ZNF831: variants seen among roughly 807,000 people sequenced by gnomAD.
The protein encoded by ZNF831 is zinc finger protein 831.
ZNF831 carries 59 observed loss-of-function variants against 95.8 expected under a neutral mutation model. The observed-to-expected ratio is 0.62, with a 90% confidence interval of 0.50 to 0.77. ZNF831 has a LOEUF of 0.77. Ranked by LOEUF, ZNF831 falls within the 30% of genes least tolerant of loss-of-function variation. The pLI, the probability that ZNF831 is intolerant of heterozygous loss-of-function variation, is 0.00. For synonymous variants in ZNF831, 961 were observed against 925.5 expected (o/e 1.04, Z -0.70); for missense variants, 2,205 against 2,164.0 (o/e 1.02, Z -0.38).
chr20:59,199,207 T>G lies in ZNF831; in HGVS notation c.3875+3202T>G, dbSNP rs372411592. On this transcript the variant is annotated intron_variant, in intron 3 of 5. Coordinates refer to ENST00000371030, the MANE Select transcript of ZNF831 (RefSeq NM_178457.3). The stretch of plus-strand genomic sequence containing the variant: ...TTCATTTTCCCACTTTAATTTCAGT[T>G]GTCTTAATGTTCTACAGAAAATGAA... Among the ~76,000 whole-genome samples the G allele has an allele frequency of 4.3e-4, 66 of 152,112 alleles. 1 individual carries two copies. In the South Asian group the frequency reaches 0.013, roughly 30 times the overall value.
At chr20:59,200,629 G>T (rs891671455) in intron 3 of ZNF831, among the ~76,000 whole-genome samples, 4 of 152,044 alleles carry the variant, frequency 2.6e-5, no homozygotes, top group African/African-American at 7.2e-5. Flanking sequence ...CCTCCCTTCT[G>T]CCCGTCCTGA....
At chr20:59,164,853 T>A (rs1410657415) in intron 1 of ZNF831, among the ~76,000 whole-genome samples, 1 of 152,188 alleles carries the variant, frequency 6.6e-6, no homozygotes, top group East Asian at 1.9e-4. Context: ...GTTTCTCCTT[T>A]CCCGTAGCAA....
At chr20:59,154,837 GGTCT>G (rs1980445888) in intron 2 of ZNF831, among the ~76,000 whole-genome samples, 1 of 152,106 alleles carries the variant, frequency 6.6e-6, no homozygotes, top group South Asian at 2.1e-4. Flanking sequence ...TTATCTCCCA[GGTCT>G]GTCTTCATAG....
At chr20:59,224,864 A>G (rs1027480776) in intron 4 of ZNF831, among the ~76,000 whole-genome samples, 2 of 152,248 alleles carry the variant, frequency 1.3e-5, no homozygotes, top group African/African-American at 4.8e-5. Flanking sequence ...CCCTGCATGA[A>G]TGGTTGAAAA....
At chr20:59,161,010 G>A (rs1980820661), upstream of ZNF831, 1 of 152,162 alleles carries the variant, frequency 6.6e-6, no homozygotes, top group South Asian at 2.1e-4. Context: ...GTTGCCACAT[G>A]CTTAGTTCAT....
chr20:59,144,426 G>A (rs58482069), intron 1 of ZNF831, among the ~76,000 whole-genome samples: 1 of 152,130 alleles, frequency 6.6e-6, no homozygotes, highest in Non-Finnish European at 1.5e-5. Context: ...GCATTGTAGG[G>A]TGCTTAGCAG....
rs754436455 is a variant in ZNF831, at chr20:59,206,975, CGAA to C, written c.3954_3956del (p.Arg1318del). The C allele has an allele frequency of 9.7e-5, 156 of 1,614,142 alleles. 1 individual carries two copies. The highest frequency in any genetic ancestry group is 7.5e-4 in the South Asian group (68 of 91,082). ...TAGACTTCGCACACCAACCTGGGTGCGAAGAAGAAGCCGCCACCCTCCCGCACT... is the reference window on the plus strand; with the variant it reads ...TAGACTTCGCACACCAACCTGGGTGCGAAGAAGCCGCCACCCTCCCGCACT... On this transcript the variant is annotated inframe_deletion, in exon 4 of 6. Transcript: ENST00000371030.
intron 1 of ZNF831, among the ~76,000 whole-genome samples, chr20:59,127,863 G>A (rs751563115): frequency 3.3e-5 from 5 of 152,128 alleles, no homozygotes; most frequent in Non-Finnish European, 5.9e-5. Flanking sequence ...AAAAGAGGAG[G>A]ACTTTGGAGA....
rs573784844 is a variant in ZNF831, at chr20:59,149,621, A to G, written c.-1281+3247A>G. ...AAGGGTTCCCTCCTGAGTGAGCGCC[A>G]AAAGCCTGGGCTTGGCCTGTCGGAG... On this transcript the variant is annotated intron_variant, in intron 2 of 7. Transcript: ENST00000637017. 3.2e-4 allele frequency among the ~76,000 whole-genome samples: 49 copies of G among 152,380 alleles called. No homozygotes were observed. The South Asian group carries it at 9.9e-3, about 31-fold the overall frequency.
In ZNF831 at chr20:59,132,289, C is replaced by CTT. The variant is rs11477187; in HGVS notation, c.-1425+8800_-1425+8801dup. Among the ~76,000 whole-genome samples, 55 of 116,548 alleles carry CTT rather than the reference C, an allele frequency of 4.7e-4. 1 individual carries two copies. The highest frequency in any genetic ancestry group is 1.6e-3 in the African/African-American group (54 of 34,548). 76.5% of individuals were successfully genotyped at this position (116,548 alleles called of 152,430 possible). ...GTTTCTTCTTGTTGGAGGTTTAACT[C>CTT]TTTTTTTTTTTTTTTTTGGCCATTG... On this transcript the variant is annotated intron_variant, in intron 1 of 7. Coordinates refer to the ZNF831 transcript ENST00000637017.
intron 1 of ZNF831, among the ~76,000 whole-genome samples, chr20:59,186,160 A>C (rs1278457296): frequency 1.3e-5 from 2 of 152,202 alleles, no homozygotes; most frequent in Non-Finnish European, 2.9e-5. Flanking sequence ...CCAGTCACCC[A>C]CAGTGGGGAC....
rs757694807 is a variant in ZNF831, at chr20:59,254,810, G to C, written c.*67G>C. ...ACGCTTCACAAGTAAATGTTGTCAGGCTGGCGGAAGAACTAAACTCTATCT... is the reference window on the plus strand; with the variant it reads ...ACGCTTCACAAGTAAATGTTGTCAGCCTGGCGGAAGAACTAAACTCTATCT... On this transcript the variant is annotated 3_prime_UTR_variant, in exon 6 of 6. Coordinates refer to ENST00000371030, the MANE Select transcript of ZNF831 (RefSeq NM_178457.3). The surrounding 1 kb of genome is among the most constrained non-coding windows in gnomAD (Gnocchi z 4.5). The C allele has an allele frequency of 4.8e-5, 73 of 1,531,008 alleles. No homozygotes were observed. Among genetic ancestry groups the C allele is most frequent in the Non-Finnish European group, 8.7e-6 (10 of 1,144,010 alleles). The allele number at this position is 1,531,008 out of a possible 1,614,324, so 94.8% of individuals were successfully genotyped here. A position where few individuals can be genotyped will look rare whatever the true frequency, so the allele number is the denominator to read the frequency against.
At chr20:59,206,505 A>G (rs554014306) in intron 3 of ZNF831, among the ~76,000 whole-genome samples, 79 of 152,356 alleles carry the variant, frequency 5.2e-4, no homozygotes, top group African/African-American at 1.8e-3. Flanking sequence ...CAATAGCTAC[A>G]TGGGCCTAAT....
chr20:59,205,794 C>G (rs73309044), intron 3 of ZNF831, among the ~76,000 whole-genome samples: 4,242 of 152,280 alleles, frequency 0.028, 217 homozygotes, highest in African/African-American at 0.098. Context: ...GAGCTTAAGG[C>G]ATATTGCAGG....
chr20:59,135,598 G>A (rs1263253691), intron 1 of ZNF831, among the ~76,000 whole-genome samples: 1 of 152,132 alleles, frequency 6.6e-6, no homozygotes, highest in Non-Finnish European at 1.5e-5. Flanking sequence ...AGGCGTGGTG[G>A]CGGGTGCCTG....
intron 1 of ZNF831, among the ~76,000 whole-genome samples, chr20:59,175,108 T>A (rs1011212645): frequency 1.2e-4 from 18 of 152,158 alleles, no homozygotes; most frequent in African/African-American, 4.1e-4. Flanking sequence ...ATTAGAATTG[T>A]TTTTTCTGTA....
chr20:59,190,154 C>A (rs1341899456), intron 1 of ZNF831, among the ~76,000 whole-genome samples: 1 of 152,210 alleles, frequency 6.6e-6, no homozygotes, highest in East Asian at 1.9e-4. Context: ...CACCTTTGAG[C>A]AGAGACCTAA....
rs140939675 is a variant in ZNF831, at chr20:59,134,455, A to G, written c.-1425+10950A>G. Among the ~76,000 whole-genome samples, 340 of 152,342 alleles carry G rather than the reference A, an allele frequency of 2.2e-3. 1 individual carries two copies. Among genetic ancestry groups the G allele is most frequent in the African/African-American group, 7.6e-3 (316 of 41,586 alleles). On this transcript the variant is annotated intron_variant, in intron 1 of 7. Transcript: ENST00000637017. Reference sequence around the variant, plus strand: ...AGGAGACTGAAGGGAAAACAGCTGCATGGGTCTTTCTTTATCCGCTTTTCT... The same window carrying G: ...AGGAGACTGAAGGGAAAACAGCTGCGTGGGTCTTTCTTTATCCGCTTTTCT...
intron 2 of ZNF831, among the ~76,000 whole-genome samples, chr20:59,157,002 C>T (rs1469435685): frequency 6.6e-6 from 1 of 152,144 alleles, no homozygotes; most frequent in African/African-American, 2.4e-5. Context: ...TACAGGCATG[C>T]AGTGTTTAAT....
Sources: allele counts gnomAD v4.1 joint callset (sites outside exome capture counted in the v4.1 genomes callset), GRCh38; gene constraint gnomAD v4.1.1; non-coding constraint Gnocchi (gnomAD v3.1); transcripts MANE v1.5; gene names NCBI Gene and HGNC (gene_info 2026-07-23, HGNC 2026-07-21).